The following EIF4G3 variants were observed in gnomAD, a reference collection of about 807,000 sequenced individuals.
The protein encoded by EIF4G3 is eIF-4-gamma 3.
EIF4G3 carries 34 observed loss-of-function variants against 186.4 expected under a neutral mutation model. The observed-to-expected ratio is 0.18, with a 90% CI of 0.14 to 0.24. EIF4G3 has a LOEUF of 0.24. Among genes scored for constraint, EIF4G3 ranks in the 10% least tolerant of loss-of-function variants. The pLI, the probability that EIF4G3 is intolerant of heterozygous loss-of-function variation, is 1.00. For synonymous variants in EIF4G3, 673 were observed against 679.5 expected (o/e 0.99, Z 0.15); for missense variants, 1,536 against 1,948.5 (o/e 0.79, Z 3.99).
chr1:20,870,440 A>G (rs1236462092), intron 20 of EIF4G3, among the ~76,000 whole-genome samples: 1 of 152,154 alleles, frequency 6.6e-6, no homozygotes, highest in African/African-American at 2.4e-5. Context: ...GGCATAAAAG[A>G]AACTCATTCA....
chr1:20,817,358 A>G, intron 34 of EIF4G3, 34 bp downstream of exon 34: 1 of 1,426,748 alleles, frequency 7.0e-7, no homozygotes, highest in Non-Finnish European at 9.3e-7. Context: ...TCTTTCCTGT[A>G]GAGGTATCAG....
At chr1:21,015,086 G>A (rs188527091) in intron 4 of EIF4G3, among the ~76,000 whole-genome samples, 2 of 150,394 alleles carry the variant, frequency 1.3e-5, no homozygotes. Flanking sequence ...AAAAAAGGAG[G>A]GGGGGAAGAA....
At chr1:20,973,329 C>T (rs192435769) in intron 10 of EIF4G3, among the ~76,000 whole-genome samples, 3 of 151,650 alleles carry the variant, frequency 2.0e-5, no homozygotes, top group Admixed American at 1.3e-4. Flanking sequence ...AATATGAAAA[C>T]CACTAAATAC....
intron 28 of EIF4G3, 32 bp from the exon 29 acceptor site, chr1:20,849,562 A>C: frequency 9.5e-7 from 1 of 1,049,364 alleles, no homozygotes; most frequent in Non-Finnish European, 1.4e-6. Context: ...AAAAGTAAAA[A>C]TAATAAAAAT....
intron 12 of EIF4G3, among the ~76,000 whole-genome samples, chr1:20,951,827 T>TA (rs1001199877): frequency 6.6e-6 from 1 of 152,104 alleles, no homozygotes; most frequent in African/African-American, 2.4e-5. Context: ...TTTAAGACAG[T>TA]AAAAGGCTAC....
At chr1:21,081,411 C>A (rs1465316270) in intron 3 of EIF4G3, among the ~76,000 whole-genome samples, 2 of 151,940 alleles carry the variant, frequency 1.3e-5, no homozygotes, top group African/African-American at 4.8e-5. Context: ...CCAGCCTGGG[C>A]GACAGAGTGA....
chr1:20,822,830 TTTACTATCATG>T (rs891031869), intron 33 of EIF4G3, among the ~76,000 whole-genome samples: 1 of 152,176 alleles, frequency 6.6e-6, no homozygotes, highest in African/African-American at 2.4e-5. Flanking sequence ...AAAAATGTTT[TTTACTATCATG>T]TTTGATTTCT....
intron 2 of EIF4G3, among the ~76,000 whole-genome samples, chr1:21,130,055 T>G (rs1572998174): frequency 6.6e-6 from 1 of 151,944 alleles, no homozygotes; most frequent in South Asian, 2.1e-4. Context: ...TTTAAGACTC[T>G]AAAGCCTGTG....
intron 14 of EIF4G3, among the ~76,000 whole-genome samples, chr1:20,936,451 A>G (rs2095519696): frequency 6.6e-6 from 1 of 152,206 alleles, no homozygotes; most frequent in Non-Finnish European, 1.5e-5. Context: ...ACGTTTCTGT[A>G]GAAGCTAAAT....
At chr1:21,046,107 C>A (rs538614483) in intron 4 of EIF4G3, among the ~76,000 whole-genome samples, 2 of 152,268 alleles carry the variant, frequency 1.3e-5, no homozygotes, top group African/African-American at 4.8e-5. Context: ...CAATCTGCCA[C>A]CAAAAGGTAC....
intron 14 of EIF4G3, among the ~76,000 whole-genome samples, chr1:20,940,578 C>T (rs1022453254): frequency 5.3e-5 from 8 of 152,126 alleles, no homozygotes; most frequent in African/African-American, 1.9e-4. Flanking sequence ...CACTGCATGT[C>T]AAGGATCAAC....
At chr1:21,111,705 T>C (rs1482793102) in intron 2 of EIF4G3, 1 of 157,824 alleles carries the variant, frequency 6.3e-6, no homozygotes, top group African/African-American at 2.4e-5. Flanking sequence ...TGCTACACAT[T>C]TGACAAAATT....
At chr1:21,094,298 G>C (rs2096290180) in intron 2 of EIF4G3, among the ~76,000 whole-genome samples, 1 of 151,888 alleles carries the variant, frequency 6.6e-6, no homozygotes, top group Non-Finnish European at 1.5e-5. Context: ...AAATCATGCT[G>C]CTATAAAGAC....
chr1:20,839,320 T>C (rs920459078), intron 30 of EIF4G3, among the ~76,000 whole-genome samples: 2 of 151,746 alleles, frequency 1.3e-5, no homozygotes, highest in African/African-American at 4.8e-5. Context: ...ACCACGTTGT[T>C]CAGGCTGGTC....
At chr1:21,165,527 C>T (rs1329762193) in intron 2 of EIF4G3, among the ~76,000 whole-genome samples, 5 of 152,158 alleles carry the variant, frequency 3.3e-5, no homozygotes, top group South Asian at 4.1e-4. Flanking sequence ...AGTGCTAATA[C>T]ATGGTTACAA....
intron 2 of EIF4G3, among the ~76,000 whole-genome samples, chr1:21,156,157 C>G (rs998961656): frequency 6.6e-6 from 1 of 150,496 alleles, no homozygotes; most frequent in African/African-American, 2.4e-5. Context: ...AAAAAAAACT[C>G]AAGAGCTTTC....
intron 3 of EIF4G3, among the ~76,000 whole-genome samples, chr1:21,054,442 C>A (rs961597724): frequency 6.8e-6 from 1 of 146,722 alleles, no homozygotes; most frequent in East Asian, 2.0e-4. Context: ...TCCCCCTCTG[C>A]GAGAAACACC....
chr1:21,119,022 A>G (rs1422284792), intron 2 of EIF4G3, among the ~76,000 whole-genome samples: 1 of 151,974 alleles, frequency 6.6e-6, no homozygotes, highest in East Asian at 1.9e-4. Flanking sequence ...CATTACTGGA[A>G]ATTTTCTTTT....
chr1:20,981,141 A>G lies in EIF4G3; in HGVS notation c.285T>C (p.Thr95=). 1 of 1,613,882 alleles carries G rather than the reference A, an allele frequency of 6.2e-7. No individual in the cohort carries two copies. The highest frequency in any genetic ancestry group is 8.5e-7 in the Non-Finnish European group (1 of 1,179,912). ...PSIRPGAQTP[T]AVYQANQHIM... ...TGTGCTGATTAGCCTGGTACACTGC[A>G]GTGGGTGTCTGTGCACCAGGACGAA... The change falls in exon 9 of 37, where the codon ACT becomes ACC. Residue 95 remains threonine, a synonymous_variant. Coordinates refer to ENST00000602326, the MANE Select transcript of EIF4G3 (RefSeq NM_001391906.1).
Sources: allele counts gnomAD v4.1 joint callset (sites outside exome capture counted in the v4.1 genomes callset), GRCh38; gene constraint gnomAD v4.1.1; transcripts MANE v1.5; gene names NCBI Gene and HGNC (gene_info 2026-07-23, HGNC 2026-07-21).